The following PIK3C2G variants were observed in gnomAD, a reference collection of about 807,000 sequenced individuals.
PIK3C2G encodes phosphatidylinositol-4-phosphate 3-kinase catalytic subunit type 2 gamma.
PIK3C2G carries 168 observed loss-of-function variants against 181.1 expected under a neutral mutation model. The ratio of observed to expected loss-of-function variants is 0.93; its 90% CI spans 0.82 to 1.05. The LOEUF is 1.05. Ranked by LOEUF, PIK3C2G falls within the 50% of genes least tolerant of loss-of-function variation. The pLI is 0.00. For missense variants in PIK3C2G, 1,869 were observed against 1,732.8 expected (o/e 1.08, Z -1.40); for synonymous variants, 573 against 592.2 (o/e 0.97, Z 0.47).
intron 11 of PIK3C2G, among the ~76,000 whole-genome samples, chr12:18,347,746 G>T (rs1312140919): frequency 6.6e-6 from 1 of 151,968 alleles, no homozygotes; most frequent in East Asian, 1.9e-4. Context: ...AGGAAGCAGA[G>T]GTTGCAGTGT....
At chr12:18,720,176 A>C in the PIK3C2G span, among the ~76,000 whole-genome samples, 7 of 152,148 alleles carry the variant, frequency 4.6e-5, no homozygotes, top group Admixed American at 6.6e-5. Context: ...TTGTAGTTGC[A>C]TGTAGTTATA....
chr12:18,471,035 C>T (rs909515996), intron 18 of PIK3C2G, among the ~76,000 whole-genome samples: 1 of 152,076 alleles, frequency 6.6e-6, no homozygotes, highest in Non-Finnish European at 1.5e-5. Context: ...CTTTATGATG[C>T]CCTAAGCATC....
At chr12:18,526,839 C>A (rs1376795990) in intron 24 of PIK3C2G, among the ~76,000 whole-genome samples, 1 of 152,132 alleles carries the variant, frequency 6.6e-6, no homozygotes, top group Non-Finnish European at 1.5e-5. Flanking sequence ...CATCTTCTCA[C>A]TATTACTTCT....
chr12:18,726,304 G>A, the PIK3C2G span, among the ~76,000 whole-genome samples: 2 of 152,114 alleles, frequency 1.3e-5, no homozygotes, highest in African/African-American at 4.8e-5. Context: ...TAAAATAAGA[G>A]TAATAAAATC....
At chr12:18,312,198 G>C (rs1380705315) in intron 5 of PIK3C2G, among the ~76,000 whole-genome samples, 1 of 152,060 alleles carries the variant, frequency 6.6e-6, no homozygotes, top group African/African-American at 2.4e-5. Context: ...TGCATCCTCC[G>C]ATCCAATCAA....
At chr12:18,472,983 A>C (rs1414948877) in intron 18 of PIK3C2G, among the ~76,000 whole-genome samples, 1 of 152,150 alleles carries the variant, frequency 6.6e-6, no homozygotes, top group Admixed American at 6.5e-5. Flanking sequence ...TACAGGCGTG[A>C]GCCGTCGCGC....
intron 5 of PIK3C2G, among the ~76,000 whole-genome samples, chr12:18,308,175 C>T (rs150971577): frequency 2.0e-5 from 3 of 151,802 alleles, no homozygotes; most frequent in African/African-American, 4.8e-5. Flanking sequence ...AATGGTAAAA[C>T]GAGTAGTTCA....
intron 25 of PIK3C2G, among the ~76,000 whole-genome samples, chr12:18,540,182 G>A (rs1285319745): frequency 2.0e-5 from 3 of 151,638 alleles, no homozygotes; most frequent in Non-Finnish European, 4.4e-5. Flanking sequence ...TAACATAAGA[G>A]ACCCAGAGTC....
chr12:18,435,972 A>C (rs554763373), intron 18 of PIK3C2G, among the ~76,000 whole-genome samples: 48 of 151,932 alleles, frequency 3.2e-4, no homozygotes, highest in Admixed American at 9.2e-4. Context: ...GTAACAAAAA[A>C]AAAAAAAAAC....
chr12:18,324,309 T>G (rs1469378405), intron 7 of PIK3C2G, among the ~76,000 whole-genome samples: 1 of 152,180 alleles, frequency 6.6e-6, no homozygotes, highest in Non-Finnish European at 1.5e-5. Flanking sequence ...CATTTTGTCT[T>G]TGAACTGACA....
chr12:18,324,153 G>A (rs1951231481), intron 7 of PIK3C2G, among the ~76,000 whole-genome samples: 1 of 151,826 alleles, frequency 6.6e-6, no homozygotes, highest in African/African-American at 2.4e-5. Flanking sequence ...CCCGGGGGGC[G>A]GAGCCTGCAG....
chr12:18,413,202 C>T (rs1322185074), intron 16 of PIK3C2G, among the ~76,000 whole-genome samples: 2 of 152,146 alleles, frequency 1.3e-5, no homozygotes, highest in African/African-American at 2.4e-5. Flanking sequence ...TTTATCTTAG[C>T]GATGAGATCT....
intron 18 of PIK3C2G, among the ~76,000 whole-genome samples, chr12:18,454,052 GT>G (rs1239477405): frequency 1.3e-5 from 2 of 151,760 alleles, no homozygotes; most frequent in African/African-American, 4.8e-5. Context: ...TTTTCTACTA[GT>G]TTTTTTTACC....
the PIK3C2G span, among the ~76,000 whole-genome samples, chr12:18,710,845 C>A: frequency 2.6e-5 from 4 of 152,278 alleles, no homozygotes; most frequent in South Asian, 6.2e-4. Flanking sequence ...TGCAATCTCA[C>A]ACCAGTTAGA....
chr12:18,373,973 GA>G (rs974783967), intron 13 of PIK3C2G, among the ~76,000 whole-genome samples: 3 of 152,294 alleles, frequency 2.0e-5, no homozygotes, highest in Admixed American at 2.0e-4. Flanking sequence ...AATGTAGCGA[GA>G]AAGTGTTATC....
rs114418988 is a variant in PIK3C2G, at chr12:18,558,314, T to C, written c.3591-4389T>C. On this transcript the variant is annotated intron_variant, in intron 26 of 32. Transcript: ENST00000538779. ...TGTTCATCCCTATTTGGAGAAACCATATAGCCATTTAAAAATATGATTTAA... is the reference window on the plus strand; with the variant it reads ...TGTTCATCCCTATTTGGAGAAACCACATAGCCATTTAAAAATATGATTTAA... Among the ~76,000 whole-genome samples, 997 of 152,310 alleles carry C rather than the reference T, an allele frequency of 6.5e-3. 11 individuals are homozygous for C. Among genetic ancestry groups the C allele is most frequent in the African/African-American group, 0.023 (963 of 41,572 alleles).
At chr12:18,250,059 A>G (rs1948080643) in intron 1 of PIK3C2G, among the ~76,000 whole-genome samples, 1 of 152,122 alleles carries the variant, frequency 6.6e-6, no homozygotes, top group Admixed American at 6.5e-5. Flanking sequence ...ATGTAACCAG[A>G]ATTAGTCAGA....
chr12:18,507,252 A>G (rs1473925447), intron 24 of PIK3C2G, among the ~76,000 whole-genome samples: 2 of 151,664 alleles, frequency 1.3e-5, no homozygotes, highest in Non-Finnish European at 2.9e-5. Context: ...CTGGTCTCGA[A>G]CTCCTGGCCT....
chr12:18,617,729 G>A (rs1238217880), intron 31 of PIK3C2G, among the ~76,000 whole-genome samples: 2 of 152,132 alleles, frequency 1.3e-5, no homozygotes, highest in Admixed American at 6.6e-5. Flanking sequence ...AGAGACCTGA[G>A]CATCTTCTTA....
Sources: gnomAD v4.1 joint callset for allele counts (sites outside exome capture counted in the v4.1 genomes callset) on GRCh38, gnomAD v4.1.1 for gene constraint, MANE v1.5 for transcripts, NCBI Gene and HGNC (gene_info 2026-07-23, HGNC 2026-07-21) for gene names.